PCDH15: variants seen among roughly 807,000 people sequenced by gnomAD.
The protein encoded by PCDH15 is protocadherin-15.
Under a neutral mutation model 178.5 loss-of-function variants are expected in PCDH15, and 129 were observed. That is an observed-to-expected ratio of 0.72 (90% CI 0.63 to 0.84). The LOEUF (loss-of-function observed/expected upper bound fraction) is 0.84. Among genes scored for constraint, PCDH15 ranks in the 40% least tolerant of loss-of-function variants. The pLI, the probability that PCDH15 is intolerant of heterozygous loss-of-function variation, is 0.00. For missense variants in PCDH15, 2,230 were observed against 2,099.9 expected, an observed-to-expected ratio of 1.06 and a Z score of -1.21; for synonymous variants, 800 against 732.0, an observed-to-expected ratio of 1.09 and a Z score of -1.50.
intron 25 of PCDH15, among the ~76,000 whole-genome samples, chr10:53,913,367 G>C (rs943018370): frequency 6.6e-6 from 1 of 151,952 alleles, no homozygotes. Context: ...TACCACTGAG[G>C]ACTTAGGCAT....
At chr10:55,069,928 G>T in intron 2 of PCDH15, among the ~76,000 whole-genome samples, 1 of 152,046 alleles carries the variant, frequency 6.6e-6, no homozygotes, top group Non-Finnish European at 1.5e-5. Flanking sequence ...TCCACATTCT[G>T]TCCAGCACCT....
intron 3 of PCDH15, among the ~76,000 whole-genome samples, chr10:54,474,566 G>A (rs566951103): frequency 1.3e-5 from 2 of 152,084 alleles, no homozygotes; most frequent in South Asian, 4.1e-4. Context: ...AGGTTCTCAG[G>A]ACAGGCTGCT....
chr10:53,999,007 C>T (rs371266813), intron 20 of PCDH15, among the ~76,000 whole-genome samples: 42 of 144,838 alleles, frequency 2.9e-4, no homozygotes, highest in African/African-American at 1.0e-3. Flanking sequence ...GAGCCGAGAT[C>T]GCGCCATTGC....
intron 2 of PCDH15, among the ~76,000 whole-genome samples, chr10:54,640,505 G>T (rs140674132): frequency 1.3e-5 from 2 of 151,844 alleles, no homozygotes; most frequent in Non-Finnish European, 1.5e-5. Context: ...ATGTTTAGAT[G>T]AAATAATATA....
intron 1 of PCDH15, among the ~76,000 whole-genome samples, chr10:54,777,061 T>C (rs1949789283): frequency 6.6e-6 from 1 of 152,206 alleles, no homozygotes; most frequent in African/African-American, 2.4e-5. Context: ...TATCAATTTC[T>C]GGTTGATGCG....
intron 2 of PCDH15, among the ~76,000 whole-genome samples, chr10:55,025,633 A>G (rs1247163936): frequency 3.3e-5 from 5 of 152,140 alleles, no homozygotes; most frequent in African/African-American, 7.2e-5. Context: ...ACCTTTATAC[A>G]TATTGGAGGA....
chr10:54,577,233 C>A (rs547137330), intron 2 of PCDH15, among the ~76,000 whole-genome samples: 2 of 146,042 alleles, frequency 1.4e-5, no homozygotes, highest in African/African-American at 5.1e-5. Context: ...TAGGCGTGCA[C>A]CACCACGCCC....
At chr10:55,615,419 C>T (rs955043195) in intron 2 of PCDH15, among the ~76,000 whole-genome samples, 1 of 152,130 alleles carries the variant, frequency 6.6e-6, no homozygotes, top group Non-Finnish European at 1.5e-5. Context: ...GTTTTTAACT[C>T]AGTCTCACCT....
intron 1 of PCDH15, among the ~76,000 whole-genome samples, chr10:54,735,731 T>C (rs1161043513): frequency 1.1e-4 from 12 of 113,796 alleles, no homozygotes; most frequent in African/African-American, 2.3e-4. Flanking sequence ...ATGGATGAAA[T>C]TGGAAATCAT....
intron 18 of PCDH15, among the ~76,000 whole-genome samples, chr10:54,028,012 C>A (rs201929005): frequency 0.16 from 23,407 of 145,754 alleles, 2,430 homozygotes; most frequent in Non-Finnish European, 0.22. Context: ...GCAACCCACA[C>A]AATGGGAGAA....
intron 2 of PCDH15, among the ~76,000 whole-genome samples, chr10:55,019,615 T>C (rs1035912785): frequency 1.2e-4 from 18 of 152,176 alleles, no homozygotes; most frequent in African/African-American, 4.1e-4. Context: ...CTGTGACTCC[T>C]GCTGTACTAA....
intron 2 of PCDH15, among the ~76,000 whole-genome samples, chr10:55,053,547 C>T (rs7915118): frequency 0.83 from 126,766 of 152,242 alleles, 53,345 homozygotes; most frequent in African/African-American, 0.96. Flanking sequence ...ACAGAAACTT[C>T]GTTGAATATA....
At chr10:54,165,994 T>C (rs1257733264) in intron 13 of PCDH15, among the ~76,000 whole-genome samples, 1 of 152,188 alleles carries the variant, frequency 6.6e-6, no homozygotes, top group Non-Finnish European at 1.5e-5. Context: ...GAAAAGCCTG[T>C]CATGACAAAG....
chr10:54,288,253 G>A (rs2059163572), intron 8 of PCDH15, among the ~76,000 whole-genome samples: 2 of 152,282 alleles, frequency 1.3e-5, no homozygotes, highest in South Asian at 2.1e-4. Flanking sequence ...CCAGGAGGGA[G>A]AGGTTGTGGT....
intron 2 of PCDH15, among the ~76,000 whole-genome samples, chr10:55,103,217 T>C (rs1842611255): frequency 6.6e-6 from 1 of 151,868 alleles, no homozygotes; most frequent in Admixed American, 6.6e-5. Context: ...GTAACATCCA[T>C]GTCATAAAAG....
intron 8 of PCDH15, among the ~76,000 whole-genome samples, chr10:54,296,372 C>A (rs2059790861): frequency 6.6e-6 from 1 of 151,808 alleles, no homozygotes; most frequent in African/African-American, 2.4e-5. Context: ...AGTTGGTTGA[C>A]CCTGAGGCTG....
At chr10:54,899,643 CCCA>C (rs1444129667) in intron 2 of PCDH15, among the ~76,000 whole-genome samples, 1 of 151,888 alleles carries the variant, frequency 6.6e-6, no homozygotes, top group African/African-American at 2.4e-5. Context: ...ACTACAGGTG[CCCA>C]CCACCAGGCC....
At position 54,231,241 on chromosome 10, in the gene PCDH15, C is replaced by T. The variant is rs541139217; in HGVS notation, c.985+5582G>A. On this transcript the variant is annotated intron_variant, in intron 9 of 37. Coordinates refer to ENST00000644397, the MANE Select transcript of PCDH15 (RefSeq NM_001384140.1). Reference sequence around the variant, plus strand: ...TGCTTCCTGCATCCAGCCATTCCAGCTCTAGCCATGGCTACATGGCCCCCA... The same window carrying T: ...TGCTTCCTGCATCCAGCCATTCCAGTTCTAGCCATGGCTACATGGCCCCCA... Among the ~76,000 whole-genome samples the T allele has an allele frequency of 5.3e-5, 8 of 152,364 alleles. No individual in the cohort carries two copies. The East Asian group carries it at 1.2e-3, about 22-fold the overall frequency.
chr10:55,143,406 A>G lies in PCDH15; in HGVS notation c.-80+23170T>C, dbSNP rs140438487. Among the ~76,000 whole-genome samples, 199 of 152,252 alleles carry G rather than the reference A, an allele frequency of 1.3e-3. 2 individuals are homozygous for G. Among genetic ancestry groups the G allele is most frequent in the Non-Finnish European group, 2.1e-3 (141 of 68,032 alleles). On this transcript the variant is annotated intron_variant, in intron 2 of 5. Transcript: ENST00000458638. ...AAAGTAATTTAAATTATTTTGAGTT[A>G]CTAAATAACATGAGATAGGTTCTGG...
Sources: gnomAD v4.1 joint callset for allele counts (sites outside exome capture counted in the v4.1 genomes callset) on GRCh38, gnomAD v4.1.1 for gene constraint, MANE v1.5 for transcripts, NCBI Gene and HGNC (gene_info 2026-07-23, HGNC 2026-07-21) for gene names.